The following WDR73 variants were observed in gnomAD, a reference collection of about 807,000 sequenced individuals.
WDR73 encodes WD repeat domain 73.
Under a neutral mutation model 38.2 loss-of-function variants are expected in WDR73, and 30 were observed. That is an observed-to-expected ratio of 0.79 (90% CI 0.59 to 1.06). The LOEUF (loss-of-function observed/expected upper bound fraction) is 1.06, where lower values mean the gene tolerates loss of function less well. WDR73 is among the 50% of genes least tolerant of loss of function. The pLI is 0.00. For synonymous variants in WDR73, 197 were observed against 176.0 expected, an observed-to-expected ratio of 1.12 and a Z score of -0.94; for missense variants, 487 against 467.0, an observed-to-expected ratio of 1.04 and a Z score of -0.40.
intron 3 of WDR73, among the ~76,000 whole-genome samples, chr15:84,651,244 G>A (rs1320345006): frequency 6.6e-6 from 1 of 152,104 alleles, no homozygotes; most frequent in Admixed American, 6.6e-5. Flanking sequence ...GGCCAACACA[G>A]TGAAACCTCA....
chr15:84,653,629 C>A lies in WDR73; in HGVS notation c.109+3G>T. The A allele has an allele frequency of 1.3e-6, 2 of 1,583,384 alleles. No individual in the cohort carries two copies. The highest frequency in any genetic ancestry group is 2.3e-5 in the South Asian group (2 of 86,724). ...CTCCTTCAGGGCTAGAAAGGTATAC[C>A]ACCTTTGTCATCAATCCATTCAAGG... On this transcript the variant is annotated splice_donor_region_variant and intron_variant, in intron 2 of 7. Transcript: ENST00000434634.
rs1896294123 is a variant in WDR73 at position 84,642,537 on chromosome 15, G to C, written c.*933C>G. On this transcript the variant is annotated 3_prime_UTR_variant, in exon 8 of 8. Transcript: ENST00000434634. ...GCTGGAATACAGTGGCATGATCACAGCTCACTGCAAACTTCAACTGCCAGG... is the reference window on the plus strand; with the variant it reads ...GCTGGAATACAGTGGCATGATCACACCTCACTGCAAACTTCAACTGCCAGG... 6.6e-6 allele frequency: 1 copy of C among 152,066 alleles called. No homozygotes were observed. The highest frequency in any genetic ancestry group is 2.4e-5 in the African/African-American group (1 of 41,366). 9.4% of individuals were successfully genotyped at this position (152,066 alleles called of 1,614,324 possible). A position where few individuals can be genotyped will look rare whatever the true frequency, so the allele number is the denominator to read the frequency against.
intron 7 of WDR73, 160 bp downstream of exon 7, chr15:84,645,311 G>T: frequency 6.6e-7 from 1 of 1,514,260 alleles, no homozygotes; most frequent in Non-Finnish European, 8.9e-7. Context: ...GGTAGGAAAA[G>T]GCCTGCCACT....
chr15:84,653,165 C>G (rs1896676309), intron 2 of WDR73: 1 of 203,866 alleles, frequency 4.9e-6, no homozygotes, highest in Non-Finnish European at 9.9e-6. Context: ...CTGCCCGCTG[C>G]CTCAGCCTCC....
intron 6 of WDR73, 46 bp from the exon 7 acceptor site, chr15:84,645,882 G>A (rs574363557): frequency 1.2e-6 from 2 of 1,611,498 alleles, no homozygotes; most frequent in Admixed American, 1.7e-5. Context: ...AGGCAGATGG[G>A]TCTGGCAATT....
chr15:84,647,654 G>A (rs895164755), intron 5 of WDR73: 2 of 515,636 alleles, frequency 3.9e-6, no homozygotes, highest in Non-Finnish European at 7.0e-6. Context: ...CTACCACCAT[G>A]CCCGGCTAAT....
intron 4 of WDR73, chr15:84,648,234 A>G (rs546138035): frequency 3.1e-5 from 18 of 585,174 alleles, no homozygotes; most frequent in Admixed American, 6.0e-5. Flanking sequence ...GCCTCTCCCA[A>G]CTGAGCAATT....
At chr15:84,649,495 A>T (rs1198118166) in intron 3 of WDR73, among the ~76,000 whole-genome samples, 1 of 150,412 alleles carries the variant, frequency 6.6e-6, no homozygotes, top group Non-Finnish European at 1.5e-5. Context: ...TTTGAGACAG[A>T]GTCTCACTCT....
In WDR73 at chr15:84,642,665, A is replaced by G. The variant is rs1307597386; in HGVS notation, c.*805T>C. 6.6e-6 allele frequency: 1 copy of G among 152,064 alleles called. No homozygotes were observed. Among genetic ancestry groups the G allele is most frequent in the Non-Finnish European group, 1.5e-5 (1 of 68,064 alleles). The allele number at this position is 152,064 out of a possible 1,614,324, so 9.4% of individuals were successfully genotyped here. A position where few individuals can be genotyped will look rare whatever the true frequency, so the allele number is the denominator to read the frequency against. On this transcript the variant is annotated 3_prime_UTR_variant, in exon 8 of 8. Transcript: ENST00000434634. ...TTTTTAGTAGAGACAAGGTTTCGCC[A>G]TGTTGCTCAGGCTAGTCTCGAACTC...
Position 84,643,586 on chromosome 15 carries a change from C to T in WDR73, c.1021G>A (p.Ala341Thr). ...IFLDGNGMDPAPLVTTHTWHP... is the reference protein window; with the variant it reads ...IFLDGNGMDPTPLVTTHTWHP... Reference sequence around the variant, plus strand: ...CAGGTGTGGGTGGTGACCAAAGGAGCAGGGTCCATCCCATTTCCATCTAGG... The same window carrying T: ...CAGGTGTGGGTGGTGACCAAAGGAGTAGGGTCCATCCCATTTCCATCTAGG... Residue 341 changes from alanine (A) to threonine (T), a missense_variant, in exon 8 of 8, where the codon GCT becomes ACT. Physicochemically the swap from Ala to Thr is moderately conservative, Grantham distance 58. Transcript: ENST00000434634. The T allele has an allele frequency of 1.2e-6, 2 of 1,612,502 alleles. No homozygotes were observed. The highest frequency in any genetic ancestry group is 1.7e-6 in the Non-Finnish European group (2 of 1,179,300).
At chr15:84,646,013 G>C (rs1415773690) in intron 6 of WDR73, 171 bp downstream of exon 6, 4 of 1,541,412 alleles carry the variant, frequency 2.6e-6, no homozygotes, top group African/African-American at 1.4e-5. Context: ...CCCTGGGACT[G>C]CCTAATCCTG....
chr15:84,651,954 G>A (rs189426288), intron 3 of WDR73, among the ~76,000 whole-genome samples: 21 of 152,098 alleles, frequency 1.4e-4, no homozygotes, highest in African/African-American at 4.8e-4. Context: ...TACAACCTCC[G>A]CCTCCCGGGT....
At chr15:84,648,343 G>A in intron 4 of WDR73, 194 bp downstream of exon 4, 1 of 593,916 alleles carries the variant, frequency 1.7e-6, no homozygotes, top group Non-Finnish European at 3.0e-6. Flanking sequence ...AGGGCTCTGG[G>A]GGGCTATGAA....
At chr15:84,643,914 CT>C in intron 7 of WDR73, 191 bp from the exon 8 acceptor site, 1 of 634,664 alleles carries the variant, frequency 1.6e-6, no homozygotes, top group South Asian at 2.4e-5. Context: ...CCCTAAAATA[CT>C]TTTTATAATT....
Position 84,639,923 on chromosome 15 carries a change from G to C in WDR73, c.*3547C>G, listed in dbSNP as rs1896208927. ...TCCTGACCGACTACTGCAAAGCCAG[G>C]AGCACCTACACACCAGGCACCAGTG... is the stretch of plus-strand genomic sequence containing the variant. On this transcript the variant is annotated 3_prime_UTR_variant, in exon 8 of 8. Transcript: ENST00000434634. 6.6e-6 allele frequency: 1 copy of C among 152,220 alleles called. No homozygotes were observed. Among genetic ancestry groups the C allele is most frequent in the African/African-American group, 2.4e-5 (1 of 41,412 alleles). 9.4% of individuals were successfully genotyped at this position (152,220 alleles called of 1,614,324 possible).
In WDR73 at chr15:84,643,627, T is replaced by G. The variant is rs1252613680; in HGVS notation, c.980A>C (p.His327Pro). ...TRSQVEPLFTHRGHIFLDGNG... is the reference protein window; with the variant it reads ...TRSQVEPLFTPRGHIFLDGNG... The stretch of plus-strand genomic sequence containing the variant: ...TCCATCTAGGAAGATGTGACCTCTG[T>G]GAGTGAAGAGAGGTTCTACTTGGCT... The change falls in exon 8 of 8, where the codon CAC becomes CCC. Residue 327 changes from histidine (H) to proline (P), a missense_variant. Transcript: ENST00000434634. The G allele has an allele frequency of 1.2e-6, 2 of 1,612,670 alleles. No homozygotes were observed. The highest frequency in any genetic ancestry group is 4.5e-5 in the East Asian group (2 of 44,858).
rs1896723798 is a variant in WDR73 at position 84,654,260 on chromosome 15, G to A, written c.15C>T (p.Asp5=). 1.9e-6 allele frequency: 3 copies of A among 1,613,918 alleles called. No individual in the cohort carries two copies. Among genetic ancestry groups the A allele is most frequent in the Non-Finnish European group, 2.5e-6 (3 of 1,179,812 alleles). The change falls in exon 1 of 8, where the codon GAC becomes GAT. Residue 5 remains aspartate (D), a synonymous_variant. Coordinates refer to ENST00000434634, the MANE Select transcript of WDR73 (RefSeq NM_032856.5). ...AGCGCAAGGATTCCACCAGCCAGTC[G>A]TCCCCAGGATCCATGGCAACGACCG... The part of the protein sequence containing the change: MDPG[D]DWLVESLRLY...
chr15:84,641,870 T>G lies in WDR73; in HGVS notation c.*1600A>C, dbSNP rs1054138301. On this transcript the variant is annotated 3_prime_UTR_variant, in exon 8 of 8. Coordinates refer to ENST00000434634, the MANE Select transcript of WDR73 (RefSeq NM_032856.5). ...TTTAGGTTTTTTAAATAAAAATCTT[T>G]CTTTTTTTTTAGAGACAGGGGTTCA... 6.6e-6 allele frequency: 1 copy of G among 152,098 alleles called. No homozygotes were observed. The highest frequency in any genetic ancestry group is 1.9e-4 in the East Asian group (1 of 5,198). The allele number at this position is 152,098 out of a possible 1,614,324, so 9.4% of individuals were successfully genotyped here.
rs767411139 is a variant in WDR73 at position 84,653,637 on chromosome 15, T to C, written c.104A>G (p.Asp35Gly). 6.3e-7 allele frequency: 1 copy of C among 1,589,356 alleles called. No individual in the cohort carries two copies. The highest frequency in any genetic ancestry group is 1.8e-5 in the Admixed American group (1 of 56,482). The change falls in exon 2 of 8, where the codon GAC becomes GGC. Residue 35 changes from aspartate to glycine, a missense_variant. Coordinates refer to ENST00000434634, the MANE Select transcript of WDR73 (RefSeq NM_032856.5). ...GGGCTAGAAAGGTATACCACCTTTGTCATCAATCCATTCAAGGACTCGAGT... is the reference window on the plus strand; with the variant it reads ...GGGCTAGAAAGGTATACCACCTTTGCCATCAATCCATTCAAGGACTCGAGT... ...GATRVLEWID[D>G]KGVFVAGYES...
Sources: allele counts gnomAD v4.1 joint callset (sites outside exome capture counted in the v4.1 genomes callset), GRCh38; gene constraint gnomAD v4.1.1; transcripts MANE v1.5; gene names NCBI Gene and HGNC (gene_info 2026-07-23, HGNC 2026-07-21).